PCDHA2: variants seen among roughly 807,000 people sequenced by gnomAD.
The protein encoded by PCDHA2 is protocadherin alpha 2, also known as protocadherin alpha-2.
In PCDHA2, 58 loss-of-function variants were observed where a neutral mutation model predicts 66.0. That is an observed-to-expected ratio of 0.88 (90% CI 0.71 to 1.09). The LOEUF is 1.09. PCDHA2 is among the 50% of genes least tolerant of loss of function. The pLI, the probability that PCDHA2 is intolerant of heterozygous loss-of-function variation, is 0.00. For missense variants in PCDHA2, 1,267 were observed against 1,242.3 expected (o/e 1.02, Z -0.30); for synonymous variants, 634 against 554.0 (o/e 1.14, Z -2.03).
intron 1 of PCDHA2, chr5:140,830,128 A>C: frequency 6.2e-7 from 1 of 1,613,412 alleles, no homozygotes; most frequent in Non-Finnish European, 8.5e-7. Context: ...CAAAGGCGTC[A>C]TCACGGGCGT....
intron 1 of PCDHA2, among the ~76,000 whole-genome samples, chr5:140,976,072 T>C (rs1193049661): frequency 6.6e-6 from 1 of 152,250 alleles, no homozygotes; most frequent in South Asian, 2.1e-4. Context: ...TGTCTTACTG[T>C]GTCAGATATA....
At chr5:140,852,583 T>C in intron 1 of PCDHA2, 2 of 394,934 alleles carry the variant, frequency 5.1e-6, no homozygotes, top group Non-Finnish European at 6.7e-6. Context: ...GGCTTTTTTA[T>C]TTTTTTTTTT....
rs2096268798 is a variant in PCDHA2 at position 140,968,765 on chromosome 5, G to A, written c.2389-10184G>A. 8.1e-6 allele frequency: 13 copies of A among 1,614,078 alleles called. No homozygotes were observed. The East Asian group carries it at 2.2e-4, about 28-fold the overall frequency. On this transcript the variant is annotated intron_variant, in intron 1 of 3. Transcript: ENST00000526136. Reference sequence around the variant, plus strand: ...GACCGTGGTGGTCCGAGATAATGGAGAGCCATCACTATCAGCCTCTGTGGC... The same window carrying A: ...GACCGTGGTGGTCCGAGATAATGGAAAGCCATCACTATCAGCCTCTGTGGC...
intron 3 of PCDHA2, among the ~76,000 whole-genome samples, chr5:140,997,397 A>G (rs782082443): frequency 4.6e-5 from 7 of 152,194 alleles, no homozygotes; most frequent in African/African-American, 7.2e-5. Flanking sequence ...CTTAGGCTCT[A>G]TCGTATGGCC....
chr5:140,853,855 T>A, intron 1 of PCDHA2: 1 of 985,872 alleles, frequency 1.0e-6, no homozygotes, highest in Non-Finnish European at 1.2e-6. Flanking sequence ...TAGCCCTATT[T>A]GATACTTGAC....
intron 1 of PCDHA2, chr5:140,882,140 T>C (rs1010543120): frequency 7.4e-6 from 11 of 1,490,760 alleles, no homozygotes; most frequent in Admixed American, 4.6e-5. Flanking sequence ...GCAGAAAATA[T>C]AGCAGAAAGC....
rs530563833 is a variant in PCDHA2, at chr5:140,894,957, T to A, written c.2389-83992T>A. Among the ~76,000 whole-genome samples, 18 of 152,324 alleles carry A rather than the reference T, an allele frequency of 1.2e-4. No individual in the cohort carries two copies. In the East Asian group the frequency reaches 3.3e-3, roughly 28 times the overall value. Reference sequence around the variant, plus strand: ...AGCTATTGTCATGAAATGATAAAAATATAATTTTTTAATGTCTTACTTTGT... The same window carrying A: ...AGCTATTGTCATGAAATGATAAAAAAATAATTTTTTAATGTCTTACTTTGT... On this transcript the variant is annotated intron_variant, in intron 1 of 3. Transcript: ENST00000526136.
chr5:140,927,169 T>A, intron 1 of PCDHA2: 1 of 1,614,172 alleles, frequency 6.2e-7, no homozygotes, highest in Non-Finnish European at 8.5e-7. Context: ...CAAAGCTGCC[T>A]GCGTCTTGAC....
rs782349051 is a variant in PCDHA2, at chr5:140,857,178, A to G, written c.2388+59826A>G. 8.1e-6 allele frequency: 13 copies of G among 1,598,358 alleles called. No individual in the cohort carries two copies. The South Asian group carries it at 1.3e-4, about 16-fold the overall frequency. On this transcript the variant is annotated intron_variant, in intron 1 of 3. Transcript: ENST00000526136. The stretch of plus-strand genomic sequence containing the variant: ...GCCCTAATCAGCGTTTCTGACCATG[A>G]TTCAGGAGCCAACGGACAGGTCACC...
chr5:140,887,853 C>G (rs145942561), intron 1 of PCDHA2, among the ~76,000 whole-genome samples: 1 of 152,170 alleles, frequency 6.6e-6, no homozygotes, highest in African/African-American at 2.4e-5. Flanking sequence ...GACATATTTT[C>G]CAAGTTCACT....
At position 140,882,350 on chromosome 5, in the gene PCDHA2, A is replaced by G. The variant is rs782733540; in HGVS notation, c.2388+84998A>G. ...GATCCTCGCAGCCTGGGAGACGGGT[A>G]GTGGCCAGCTCCACTACTCCGTCCC... is the stretch of plus-strand genomic sequence containing the variant. On this transcript the variant is annotated intron_variant, in intron 1 of 3. Transcript: ENST00000526136. The G allele has an allele frequency of 1.9e-6, 3 of 1,614,176 alleles. No individual in the cohort carries two copies. In the Admixed American group the frequency reaches 5.0e-5, roughly 27 times the overall value.
chr5:141,000,223 G>C (rs1190945878), intron 3 of PCDHA2, among the ~76,000 whole-genome samples: 1 of 151,642 alleles, frequency 6.6e-6, no homozygotes, highest in African/African-American at 2.4e-5. Context: ...AAATGCCTGT[G>C]TGGAGCTGAA....
At chr5:140,799,289 C>T (rs1461784852) in intron 1 of PCDHA2, among the ~76,000 whole-genome samples, 2 of 151,984 alleles carry the variant, frequency 1.3e-5, no homozygotes, top group African/African-American at 2.4e-5. Flanking sequence ...ATGTGACATT[C>T]CATTTTGCAA....
At chr5:140,942,588 ATATAAT>A (rs1164852863) in intron 1 of PCDHA2, among the ~76,000 whole-genome samples, 1 of 149,588 alleles carries the variant, frequency 6.7e-6, no homozygotes, top group Non-Finnish European at 1.5e-5. Flanking sequence ...AGGATGTCAC[ATATAAT>A]TATAGTGTTT....
At chr5:140,876,543 C>T (rs1357446844) in intron 1 of PCDHA2, 10 of 1,614,022 alleles carry the variant, frequency 6.2e-6, no homozygotes, top group African/African-American at 2.7e-5. Context: ...CACTGTCGCT[C>T]CCTGTGCAAG....
intron 1 of PCDHA2, among the ~76,000 whole-genome samples, chr5:140,957,220 G>A (rs1356437193): frequency 2.6e-5 from 4 of 152,192 alleles, no homozygotes; most frequent in Non-Finnish European, 5.9e-5. Flanking sequence ...CAAAAATTTG[G>A]CGAAGCATTT....
intron 1 of PCDHA2, among the ~76,000 whole-genome samples, chr5:140,893,701 C>A (rs1297465606): frequency 6.6e-6 from 1 of 152,104 alleles, no homozygotes; most frequent in African/African-American, 2.4e-5. Context: ...TCTATCCTAG[C>A]CTGTAAAGCT....
In PCDHA2 at chr5:140,849,729, G is replaced by A. The variant is rs1180272167; in HGVS notation, c.2388+52377G>A. On this transcript the variant is annotated intron_variant, in intron 1 of 3. Transcript: ENST00000526136. ...TTACTACTCGTTGGTGCTGGACAGA[G>A]CTCTGGACCGCGAGAGTGTGTCCGC... 5.6e-6 allele frequency: 9 copies of A among 1,598,378 alleles called. 1 individual carries two copies. Among genetic ancestry groups the A allele is most frequent in the Non-Finnish European group, 7.7e-6 (9 of 1,168,014 alleles).
intron 1 of PCDHA2, chr5:140,969,475 C>A: frequency 1.4e-6 from 2 of 1,476,386 alleles, no homozygotes; most frequent in South Asian, 1.4e-5. Context: ...ACAATTTGAT[C>A]ATAATCTGCT....
Sources: gnomAD v4.1 joint callset for allele counts (sites outside exome capture counted in the v4.1 genomes callset) on GRCh38, gnomAD v4.1.1 for gene constraint, MANE v1.5 for transcripts, NCBI Gene and HGNC (gene_info 2026-07-23, HGNC 2026-07-21) for gene names.